The following TMPRSS11A variants were observed in gnomAD, a reference collection of about 807,000 sequenced individuals.
The protein encoded by TMPRSS11A is transmembrane serine protease 11A, also known as transmembrane protease serine 11A.
In TMPRSS11A, 53 loss-of-function variants were observed where a neutral mutation model predicts 58.9. The observed-to-expected ratio is 0.90, with a 90% CI of 0.72 to 1.13. The LOEUF is 1.13. Among genes scored for constraint, TMPRSS11A ranks in the 50% most tolerant of loss-of-function variants. The pLI is 0.00. For missense variants in TMPRSS11A, 493 were observed against 499.3 expected (o/e 0.99, Z 0.12); for synonymous variants, 167 against 169.8 (o/e 0.98, Z 0.13).
At chr4:67,935,574 C>T (rs6845474) in intron 3 of TMPRSS11A, among the ~76,000 whole-genome samples, 79,707 of 151,868 alleles carry the variant, frequency 0.52, 21,778 homozygotes, top group African/African-American at 0.6. Flanking sequence ...TTTTATTAAA[C>T]GGCAAACCCT....
At position 67,909,695 on chromosome 4, in the gene TMPRSS11A, C is replaced by A. The variant is rs994787939; in HGVS notation, c.*1647G>T. 7.2e-5 allele frequency: 11 copies of A among 152,082 alleles called. No individual in the cohort carries two copies. Among genetic ancestry groups the A allele is most frequent in the Admixed American group, 7.2e-4 (11 of 15,258 alleles). The allele number at this position is 152,082 out of a possible 1,614,324, so 9.4% of individuals were successfully genotyped here. On this transcript the variant is annotated 3_prime_UTR_variant, in exon 10 of 10. Coordinates refer to ENST00000508048, the MANE Select transcript of TMPRSS11A (RefSeq NM_001114387.2). ...TTAAAATTCTTATCTTAAGAGTTTT[C>A]TATCTTAATACAGGTTCAATAGCTC... is the stretch of plus-strand genomic sequence containing the variant.
At chr4:67,958,657 A>G (rs1721349042) in intron 1 of TMPRSS11A, among the ~76,000 whole-genome samples, 1 of 152,186 alleles carries the variant, frequency 6.6e-6, no homozygotes, top group African/African-American at 2.4e-5. Context: ...CTTTAGAGTT[A>G]GTGCTGAAAT....
At chr4:67,932,148 A>G in intron 3 of TMPRSS11A, 88 bp from the exon 4 acceptor site, 1 of 710,386 alleles carries the variant, frequency 1.4e-6, no homozygotes, top group Non-Finnish European at 2.3e-6. Context: ...GCAATCAAAA[A>G]TTTTTTCACA....
At chr4:67,951,641 A>T (rs998155537) in intron 1 of TMPRSS11A, among the ~76,000 whole-genome samples, 2 of 151,686 alleles carry the variant, frequency 1.3e-5, no homozygotes, top group Non-Finnish European at 2.9e-5. Flanking sequence ...ATAAATGTAG[A>T]TGCATGTGAC....
At chr4:67,933,104 A>AACAC (rs34906854) in intron 3 of TMPRSS11A, among the ~76,000 whole-genome samples, 110 of 150,272 alleles carry the variant, frequency 7.3e-4, no homozygotes, top group Middle Eastern at 3.5e-3. Flanking sequence ...GCATGACTGA[A>AACAC]ACACACACAC....
intron 3 of TMPRSS11A, among the ~76,000 whole-genome samples, chr4:67,934,800 C>T (rs1005900566): frequency 3.3e-5 from 5 of 152,178 alleles, no homozygotes; most frequent in Non-Finnish European, 5.9e-5. Context: ...TCTGTTTATA[C>T]ATGTTGCCTG....
chr4:67,919,953 A>C (rs1235353531), intron 7 of TMPRSS11A, among the ~76,000 whole-genome samples: 2 of 152,178 alleles, frequency 1.3e-5, no homozygotes, highest in Non-Finnish European at 2.9e-5. Flanking sequence ...TGATATGGGA[A>C]TCTACTGGAT....
chr4:67,938,123 T>C (rs1720796311), intron 3 of TMPRSS11A, among the ~76,000 whole-genome samples: 1 of 152,200 alleles, frequency 6.6e-6, no homozygotes, highest in Non-Finnish European at 1.5e-5. Context: ...TATCTCACTG[T>C]AGTTTTGATT....
At chr4:67,921,316 T>A (rs1720324086) in intron 7 of TMPRSS11A, among the ~76,000 whole-genome samples, 1 of 152,212 alleles carries the variant, frequency 6.6e-6, no homozygotes, top group South Asian at 2.1e-4. Flanking sequence ...TAAGAATTTA[T>A]GTAGATTATT....
intron 1 of TMPRSS11A, among the ~76,000 whole-genome samples, chr4:67,963,011 G>C (rs552507371): frequency 2.6e-4 from 40 of 152,224 alleles, no homozygotes; most frequent in Admixed American, 2.4e-3. Flanking sequence ...CGCTATAGAA[G>C]CTAAATTTTG....
chr4:67,930,829 T>TTTTTTAAAA (rs1265700805), intron 4 of TMPRSS11A, among the ~76,000 whole-genome samples: 6 of 90,132 alleles, frequency 6.7e-5, no homozygotes, highest in Admixed American at 1.2e-4. Flanking sequence ...TTTTTTTTTT[T>TTTTTTAAAA]ACAAAAAAAA....
chr4:67,956,902 G>A (rs1329981743), intron 1 of TMPRSS11A, among the ~76,000 whole-genome samples: 1 of 152,182 alleles, frequency 6.6e-6, no homozygotes, highest in African/African-American at 2.4e-5. Context: ...TGTTGTGGGA[G>A]AGACCCAATG....
chr4:67,911,007 G>A lies in TMPRSS11A; in HGVS notation c.*335C>T. ...GTTCAAAAAGTTTCTCAGTTAAAAG[G>A]AGACCCTTGACAACGACATTCTAAA... On this transcript the variant is annotated 3_prime_UTR_variant, in exon 10 of 10. Transcript: ENST00000508048. 1 of 179,042 alleles carries A rather than the reference G, an allele frequency of 5.6e-6. No homozygotes were observed. The highest frequency in any genetic ancestry group is 2.3e-5 in the African/African-American group (1 of 42,726). 11.1% of individuals were successfully genotyped at this position (179,042 alleles called of 1,614,324 possible).
At chr4:67,911,645 G>A in intron 9 of TMPRSS11A, 142 bp from the exon 10 acceptor site, 1 of 520,172 alleles carries the variant, frequency 1.9e-6, no homozygotes, top group Non-Finnish European at 3.2e-6. Context: ...ATTGAGACAT[G>A]GATTTTAATA....
intron 3 of TMPRSS11A, among the ~76,000 whole-genome samples, chr4:67,940,680 CTCA>C (rs1186570557): frequency 6.6e-6 from 1 of 152,098 alleles, no homozygotes; most frequent in African/African-American, 2.4e-5. Context: ...TTTTGGCTGA[CTCA>C]CAGAGGATGC....
chr4:67,942,926 A>T (rs1439318691), intron 3 of TMPRSS11A, among the ~76,000 whole-genome samples: 1 of 152,222 alleles, frequency 6.6e-6, no homozygotes, highest in Non-Finnish European at 1.5e-5. Flanking sequence ...AGTGATTTAT[A>T]ACACAAAATG....
At chr4:67,953,715 T>A (rs549154782) in intron 1 of TMPRSS11A, among the ~76,000 whole-genome samples, 245 of 152,240 alleles carry the variant, frequency 1.6e-3, no homozygotes, top group Middle Eastern at 3.4e-3. Context: ...GGAGAATTGC[T>A]TGGACCCAGG....
intron 8 of TMPRSS11A, among the ~76,000 whole-genome samples, chr4:67,916,619 G>A (rs1720154459): frequency 6.6e-6 from 1 of 152,106 alleles, no homozygotes; most frequent in African/African-American, 2.4e-5. Context: ...GAGGTCAGGA[G>A]ATCAAAACCA....
chr4:67,953,536 C>T (rs545284386), intron 1 of TMPRSS11A, among the ~76,000 whole-genome samples: 12 of 152,210 alleles, frequency 7.9e-5, no homozygotes, highest in Admixed American at 2.6e-4. Flanking sequence ...TGGTGGCTCA[C>T]GCCTGTAATC....
Sources: allele counts gnomAD v4.1 joint callset (sites outside exome capture counted in the v4.1 genomes callset), GRCh38; gene constraint gnomAD v4.1.1; transcripts MANE v1.5; gene names NCBI Gene and HGNC (gene_info 2026-07-23, HGNC 2026-07-21).